The following SATB2 variants were observed in gnomAD, a reference collection of about 807,000 sequenced individuals.
The protein encoded by SATB2 is SATB homeobox 2.
Under a neutral mutation model 73.4 loss-of-function variants are expected in SATB2, and 1 was observed. The observed-to-expected ratio is 0.01, with a 90% CI of 0.00 to 0.06. The LOEUF (loss-of-function observed/expected upper bound fraction) is 0.06, where lower values mean the gene tolerates loss of function less well. SATB2 is among the 10% of genes least tolerant of loss of function. SATB2 has a pLI of 1.00. For synonymous variants in SATB2, 397 were observed against 367.0 expected, an observed-to-expected ratio of 1.08 and a Z score of -0.93; for missense variants, 459 against 945.8, an observed-to-expected ratio of 0.49 and a Z score of 6.75.
upstream of SATB2, among the ~76,000 whole-genome samples, chr2:199,460,150 T>TC (rs568127322): frequency 1.0e-3 from 151 of 150,170 alleles, no homozygotes; most frequent in Non-Finnish European, 1.7e-3. This position sits in a 1 kb window ranked among gnomAD's most constrained non-coding sequence, Gnocchi z 4.0. Flanking sequence ...AGCCCCATCC[T>TC]CCCCCCGCAT....
chr2:199,308,685 C>T lies in SATB2; in HGVS notation c.1740+75G>A. The T allele has an allele frequency of 7.7e-7, 1 of 1,304,414 alleles. No homozygotes were observed. The highest frequency in any genetic ancestry group is 1.1e-6 in the Non-Finnish European group (1 of 907,666). 80.8% of individuals were successfully genotyped at this position (1,304,414 alleles called of 1,614,324 possible). A position where few individuals can be genotyped will look rare whatever the true frequency, so the allele number is the denominator to read the frequency against. ...TGACAGAAGTTGGTGTGGTGTGTGC[C>T]ACTTGGACCCTCAGCAGCTACTGCT... On this transcript the variant is annotated intron_variant, in intron 10 of 10. Coordinates refer to ENST00000417098, the MANE Select transcript of SATB2 (RefSeq NM_001172509.2). This position sits in a 1 kb window ranked among gnomAD's most constrained non-coding sequence, Gnocchi z 4.6.
chr2:199,469,631 A>G (rs1397654213), upstream of SATB2: 1 of 152,366 alleles, frequency 6.6e-6, no homozygotes, highest in Non-Finnish European at 1.5e-5. Context: ...CCCCCGGCAG[A>G]GCATAAGGGC....
chr2:199,276,758 CT>C (rs5837672), intron 10 of SATB2, among the ~76,000 whole-genome samples: 151,854 of 152,116 alleles, frequency 1, 75,797 homozygotes, highest in Middle Eastern at 1. Flanking sequence ...ACCTTTTTCC[CT>C]TTTTTCAAAA....
intron 5 of SATB2, among the ~76,000 whole-genome samples, chr2:199,377,986 G>A (rs949138149): frequency 2.0e-5 from 3 of 152,046 alleles, no homozygotes; most frequent in African/African-American, 7.2e-5. Flanking sequence ...GATCTCATTT[G>A]AACGTCAAGA....
intron 7 of SATB2, among the ~76,000 whole-genome samples, chr2:199,340,437 C>A (rs1425201399): frequency 1.3e-5 from 2 of 152,042 alleles, no homozygotes; most frequent in Non-Finnish European, 2.9e-5. Context: ...AGCAAGATAC[C>A]AAATTAGAGA....
intron 5 of SATB2, among the ~76,000 whole-genome samples, chr2:199,376,046 T>C (rs912156105): frequency 6.6e-6 from 1 of 152,196 alleles, no homozygotes; most frequent in Admixed American, 6.5e-5. Context: ...AATTACAATC[T>C]AGCTATGCAA....
intron 7 of SATB2, among the ~76,000 whole-genome samples, chr2:199,334,583 T>A (rs552211993): frequency 6.6e-6 from 1 of 152,160 alleles, no homozygotes; most frequent in Admixed American, 6.6e-5. Flanking sequence ...AAAGGTTCCT[T>A]CCAAATAAGG....
At chr2:199,458,709 C>T (rs1012469267), upstream of SATB2, 2 of 441,828 alleles carry the variant, frequency 4.5e-6, no homozygotes, top group African/African-American at 4.2e-5. Flanking sequence ...GTTAACTGCG[C>T]GGAGTACTTT....
At chr2:199,294,370 T>C (rs1433521901) in intron 10 of SATB2, among the ~76,000 whole-genome samples, 13 of 152,194 alleles carry the variant, frequency 8.5e-5, no homozygotes, top group African/African-American at 3.1e-4. Flanking sequence ...GGTAAATCAG[T>C]AGTTCTAATA....
At chr2:199,442,125 T>C (rs1212860688) in intron 2 of SATB2, among the ~76,000 whole-genome samples, 1 of 152,198 alleles carries the variant, frequency 6.6e-6, no homozygotes, top group African/African-American at 2.4e-5. Flanking sequence ...AAAATAAATG[T>C]TGGTTAATCT....
intron 10 of SATB2, among the ~76,000 whole-genome samples, chr2:199,283,677 C>A (rs1032880119): frequency 2.0e-5 from 3 of 151,650 alleles, no homozygotes; most frequent in African/African-American, 7.3e-5. Context: ...ACAATCAAAG[C>A]AGCAGCACCA....
intron 5 of SATB2, among the ~76,000 whole-genome samples, chr2:199,374,482 G>A (rs1689539685): frequency 6.6e-6 from 1 of 152,152 alleles, no homozygotes; most frequent in East Asian, 1.9e-4. Context: ...GAAAGAGACA[G>A]GGGTGATGGT....
intron 10 of SATB2, among the ~76,000 whole-genome samples, chr2:199,288,453 G>C (rs1349707409): frequency 6.6e-6 from 1 of 152,180 alleles, no homozygotes; most frequent in Non-Finnish European, 1.5e-5. Flanking sequence ...GGAAAGAGAT[G>C]AAAGAAGGTA....
upstream of SATB2, among the ~76,000 whole-genome samples, chr2:199,460,684 A>G (rs745763635): frequency 3.3e-5 from 5 of 152,174 alleles, no homozygotes; most frequent in Non-Finnish European, 7.4e-5. This position sits in a 1 kb window ranked among gnomAD's most constrained non-coding sequence, Gnocchi z 4.0. Context: ...CTTCATTTAC[A>G]TTTTGCTAAG....
chr2:199,273,867 C>T (rs1692233764), intron 10 of SATB2, among the ~76,000 whole-genome samples: 1 of 152,170 alleles, frequency 6.6e-6, no homozygotes, highest in Non-Finnish European at 1.5e-5. Flanking sequence ...CGGCTCTCCC[C>T]ACAGGCCTAT....
chr2:199,405,658 T>C (rs1328039917), intron 3 of SATB2, among the ~76,000 whole-genome samples: 1 of 152,180 alleles, frequency 6.6e-6, no homozygotes, highest in Non-Finnish European at 1.5e-5. Flanking sequence ...TCCTCAAAAG[T>C]GTTCTCTGAA....
At chr2:199,438,728 T>C (rs555182585) in intron 2 of SATB2, among the ~76,000 whole-genome samples, 2 of 152,344 alleles carry the variant, frequency 1.3e-5, no homozygotes, top group South Asian at 2.1e-4. Flanking sequence ...AGTTGGGACA[T>C]GAAATAAACC....
intron 7 of SATB2, among the ~76,000 whole-genome samples, chr2:199,342,480 A>G (rs1411647601): frequency 6.6e-6 from 1 of 152,048 alleles, no homozygotes; most frequent in African/African-American, 2.4e-5. Context: ...CTTATTTTAC[A>G]TAAGGTCATA....
intron 3 of SATB2, among the ~76,000 whole-genome samples, chr2:199,411,525 A>G (rs73067549): frequency 0.021 from 3,140 of 152,284 alleles, 108 homozygotes; most frequent in African/African-American, 0.071. Context: ...TCTCCTCACA[A>G]CATTATGAGG....
Sources: allele counts gnomAD v4.1 joint callset (sites outside exome capture counted in the v4.1 genomes callset), GRCh38; gene constraint gnomAD v4.1.1; non-coding constraint Gnocchi (gnomAD v3.1); transcripts MANE v1.5; gene names NCBI Gene and HGNC (gene_info 2026-07-23, HGNC 2026-07-21).